The following RBFOX1 variants were observed in gnomAD, a reference collection of about 807,000 sequenced individuals.
RBFOX1 encodes the protein RNA binding protein fox-1 homolog 1.
In RBFOX1, 8 loss-of-function variants were observed where a neutral mutation model predicts 57.7. The ratio of observed to expected loss-of-function variants is 0.14; its 90% CI spans 0.08 to 0.25. The LOEUF (loss-of-function observed/expected upper bound fraction) is 0.25. Ranked by LOEUF, RBFOX1 falls within the 10% of genes least tolerant of loss-of-function variation. The pLI is 1.00. For synonymous variants in RBFOX1, 326 were observed against 222.4 expected (o/e 1.47, Z -4.15); for missense variants, 611 against 548.5 (o/e 1.11, Z -1.14).
chr16:5,354,025 C>G (rs2151322012), intron 1 of RBFOX1, among the ~76,000 whole-genome samples: 1 of 152,098 alleles, frequency 6.6e-6, no homozygotes, highest in East Asian at 2.0e-4. Context: ...GAGGAGGAGA[C>G]ATTTGGAATA....
At chr16:5,249,924 A>T (rs2062404038) in intron 1 of RBFOX1, among the ~76,000 whole-genome samples, 1 of 151,922 alleles carries the variant, frequency 6.6e-6, no homozygotes, top group East Asian at 1.9e-4. Flanking sequence ...TGCAGTGAGG[A>T]GGAGGTTGCA....
rs763694063 is a variant in RBFOX1 at position 7,394,846 on chromosome 16, A to G, written c.28-123301A>G. ...GATTCCTCTGCCTTATTGTTTTTCAATCCGTCTACTTCCACGATCCTCTCT... is the reference window on the plus strand; with the variant it reads ...GATTCCTCTGCCTTATTGTTTTTCAGTCCGTCTACTTCCACGATCCTCTCT... On this transcript the variant is annotated intron_variant, in intron 4 of 15. Coordinates refer to ENST00000550418, the MANE Select transcript of RBFOX1 (RefSeq NM_018723.4). 7.2e-5 allele frequency among the ~76,000 whole-genome samples: 11 copies of G among 152,052 alleles called. No homozygotes were observed. The South Asian group carries it at 1.2e-3, about 17-fold the overall frequency.
At chr16:6,230,987 G>T (rs1325679424) in intron 1 of RBFOX1, among the ~76,000 whole-genome samples, 2 of 152,166 alleles carry the variant, frequency 1.3e-5, no homozygotes, top group African/African-American at 2.4e-5. Flanking sequence ...AGGAGAAATA[G>T]TGAACCAGTA....
chr16:7,089,309 C>G (rs561040342), intron 4 of RBFOX1, among the ~76,000 whole-genome samples: 85 of 152,222 alleles, frequency 5.6e-4, no homozygotes, highest in African/African-American at 1.9e-3. Context: ...ATAGAGAGTT[C>G]TATCTAACAA....
chr16:7,422,714 A>G (rs1208113593), intron 4 of RBFOX1: 3 of 152,232 alleles, frequency 2.0e-5, no homozygotes, highest in African/African-American at 7.2e-5. Flanking sequence ...AGAGGCGGCC[A>G]ATAGTGTGCA....
chr16:5,998,524 G>A (rs1475037511), intron 4 of RBFOX1, among the ~76,000 whole-genome samples: 1 of 152,160 alleles, frequency 6.6e-6, no homozygotes. Flanking sequence ...AGATGATGTA[G>A]TTGTTTTTCT....
chr16:6,931,401 A>T (rs2076540125), intron 3 of RBFOX1, among the ~76,000 whole-genome samples: 1 of 151,890 alleles, frequency 6.6e-6, no homozygotes, highest in African/African-American at 2.4e-5. Context: ...GTGTATGTTT[A>T]TGTGTGCATG....
chr16:5,627,482 T>G (rs935378599), intron 3 of RBFOX1, among the ~76,000 whole-genome samples: 1 of 152,274 alleles, frequency 6.6e-6, no homozygotes, highest in East Asian at 1.9e-4. Flanking sequence ...AAAATGCTAT[T>G]GCTTTGAGTA....
chr16:5,965,696 C>T (rs13338245), intron 4 of RBFOX1, among the ~76,000 whole-genome samples: 16,933 of 152,158 alleles, frequency 0.11, 1,238 homozygotes, highest in African/African-American at 0.18. Context: ...AACCCTGCCT[C>T]ATCTCTGACT....
At chr16:7,443,273 A>G (rs1261167700) in intron 4 of RBFOX1, among the ~76,000 whole-genome samples, 1 of 151,956 alleles carries the variant, frequency 6.6e-6, no homozygotes, top group African/African-American at 2.4e-5. Context: ...CCAAAAGGCA[A>G]TTTTCTTGGT....
rs190076685 is a variant in RBFOX1, at chr16:5,946,726, G to A, written c.351+79391G>A. 1.3e-3 allele frequency among the ~76,000 whole-genome samples: 191 copies of A among 152,320 alleles called. 2 individuals carry two copies. Among genetic ancestry groups the A allele is most frequent in the African/African-American group, 4.0e-3 (165 of 41,582 alleles). ...GGGAAGTACAGGCTTGCTCTGAAGT[G>A]GGGCCAGTCTTGTGGGACTGGGCCC... On this transcript the variant is annotated intron_variant, in intron 4 of 19. Coordinates refer to the RBFOX1 transcript ENST00000641259. This position sits in a 1 kb window ranked among gnomAD's most constrained non-coding sequence, Gnocchi z 4.6.
intron 1 of RBFOX1, among the ~76,000 whole-genome samples, chr16:5,274,975 A>T (rs1187815884): frequency 6.6e-6 from 1 of 152,200 alleles, no homozygotes; most frequent in African/African-American, 2.4e-5. Context: ...AAGACCGGAG[A>T]TAGCTGATGC....
intron 4 of RBFOX1, among the ~76,000 whole-genome samples, chr16:7,128,256 GT>G (rs1600338918): frequency 6.6e-6 from 1 of 152,176 alleles, no homozygotes; most frequent in African/African-American, 2.4e-5. Flanking sequence ...TATGAACTCT[GT>G]TATTTCCTTG....
chr16:7,457,638 AG>A (rs1427723394), intron 4 of RBFOX1, among the ~76,000 whole-genome samples: 1 of 152,162 alleles, frequency 6.6e-6, no homozygotes, highest in Non-Finnish European at 1.5e-5. Flanking sequence ...TTTAAATCAC[AG>A]GTATCAAATC....
intron 14 of RBFOX1, among the ~76,000 whole-genome samples, chr16:7,688,091 C>T: frequency 6.6e-6 from 1 of 151,994 alleles, no homozygotes; most frequent in East Asian, 1.9e-4. Context: ...AACAGATATC[C>T]CAATACGTAC....
At chr16:6,712,951 G>T (rs958774922) in intron 3 of RBFOX1, among the ~76,000 whole-genome samples, 1 of 129,646 alleles carries the variant, frequency 7.7e-6, no homozygotes, top group Non-Finnish European at 1.6e-5. Flanking sequence ...CATGGGATCT[G>T]ATGGTTTTAT....
intron 4 of RBFOX1, among the ~76,000 whole-genome samples, chr16:7,104,403 C>A (rs894374187): frequency 1.3e-5 from 2 of 151,984 alleles, no homozygotes; most frequent in African/African-American, 4.8e-5. Context: ...ACAGTATGCC[C>A]CTCTGATTAA....
At chr16:6,370,608 C>G (rs1165018369) in intron 2 of RBFOX1, among the ~76,000 whole-genome samples, 4 of 152,040 alleles carry the variant, frequency 2.6e-5, no homozygotes, top group African/African-American at 9.7e-5. Flanking sequence ...TTGTATGATT[C>G]TACTTATTTC....
chr16:6,440,522 C>G (rs2094353829), intron 2 of RBFOX1, among the ~76,000 whole-genome samples: 1 of 152,070 alleles, frequency 6.6e-6, no homozygotes, highest in Non-Finnish European at 1.5e-5. Flanking sequence ...AAAGGATTGG[C>G]CGGGTGCAGT....
Sources: gnomAD v4.1 joint callset for allele counts (sites outside exome capture counted in the v4.1 genomes callset) on GRCh38, gnomAD v4.1.1 for gene constraint, Gnocchi (gnomAD v3.1) non-coding constraint, MANE v1.5 for transcripts, NCBI Gene and HGNC (gene_info 2026-07-23, HGNC 2026-07-21) for gene names.